RGS6: variants seen among roughly 807,000 people sequenced by gnomAD.
RGS6 encodes the protein regulator of G protein signaling 6, also known as regulator of G-protein signaling 6.
Under a neutral mutation model 78.5 loss-of-function variants are expected in RGS6, and 30 were observed. That is an observed-to-expected ratio of 0.38 (90% CI 0.29 to 0.52). The LOEUF is 0.52. RGS6 is among the 20% of genes least tolerant of loss of function. The pLI, the probability that RGS6 is intolerant of heterozygous loss-of-function variation, is 0.85. For missense variants in RGS6, 495 were observed against 609.7 expected (o/e 0.81, Z 1.98); for synonymous variants, 206 against 206.0 (o/e 1.00, Z 0.00).
chr14:72,381,432 A>AT (rs961365436), intron 3 of RGS6, among the ~76,000 whole-genome samples: 1 of 152,076 alleles, frequency 6.6e-6, no homozygotes, highest in Non-Finnish European at 1.5e-5. Flanking sequence ...TTTTACATCA[A>AT]TTTTTTAAAT....
chr14:72,544,401 T>A (rs1021338172), intron 17 of RGS6, among the ~76,000 whole-genome samples: 3 of 152,124 alleles, frequency 2.0e-5, no homozygotes, highest in African/African-American at 7.2e-5. Context: ...GTTGAAACCT[T>A]ACCTGCCCTC....
At chr14:72,577,303 C>T in the RGS6 span, among the ~76,000 whole-genome samples, 4 of 152,192 alleles carry the variant, frequency 2.6e-5, no homozygotes, top group African/African-American at 9.7e-5. Flanking sequence ...GAAATGTGAT[C>T]TGCTGAGGAT....
intron 12 of RGS6, among the ~76,000 whole-genome samples, chr14:72,479,351 G>A (rs1028822261): frequency 6.6e-6 from 1 of 152,182 alleles, no homozygotes; most frequent in African/African-American, 2.4e-5. Context: ...TTTCTCGATT[G>A]TGGCACTAGT....
chr14:72,403,332 G>C (rs1368236331), intron 3 of RGS6, among the ~76,000 whole-genome samples: 3 of 152,318 alleles, frequency 2.0e-5, no homozygotes, highest in East Asian at 3.9e-4. Flanking sequence ...ATTACGTTAA[G>C]TGAAGTAACC....
downstream of RGS6, among the ~76,000 whole-genome samples, chr14:72,571,239 T>G (rs572300742): frequency 3.9e-5 from 6 of 152,200 alleles, no homozygotes; most frequent in Non-Finnish European, 5.9e-5. Context: ...TATACAGGCT[T>G]ATGGCAGGGC....
At chr14:72,510,617 G>T (rs908196923) in intron 14 of RGS6, among the ~76,000 whole-genome samples, 2 of 152,186 alleles carry the variant, frequency 1.3e-5, no homozygotes, top group Non-Finnish European at 2.9e-5. Context: ...GAGTGGAGAG[G>T]CATCTCAGAG....
intron 2 of RGS6, among the ~76,000 whole-genome samples, chr14:72,158,913 G>T (rs954403922): frequency 6.6e-6 from 1 of 152,158 alleles, no homozygotes; most frequent in African/African-American, 2.4e-5. Flanking sequence ...TTTCTGTGTG[G>T]CATTCAGCAA....
At chr14:72,073,423 T>C (rs1379953070) in intron 2 of RGS6, among the ~76,000 whole-genome samples, 2 of 152,206 alleles carry the variant, frequency 1.3e-5, no homozygotes, top group African/African-American at 4.8e-5. Flanking sequence ...GAGAGAAATC[T>C]AGGTTATACA....
At chr14:72,226,699 T>C (rs2048199342) in intron 2 of RGS6, among the ~76,000 whole-genome samples, 1 of 152,234 alleles carries the variant, frequency 6.6e-6, no homozygotes, top group South Asian at 2.1e-4. Context: ...ATACACTTTA[T>C]TGATTGATTG....
intron 2 of RGS6, among the ~76,000 whole-genome samples, chr14:72,345,161 C>G (rs1342788455): frequency 6.6e-6 from 1 of 152,172 alleles, no homozygotes; most frequent in Non-Finnish European, 1.5e-5. Flanking sequence ...TCCCCCTCCC[C>G]CTCCTTCCCA....
chr14:72,013,039 C>A (rs187015091), intron 2 of RGS6, among the ~76,000 whole-genome samples: 3 of 151,832 alleles, frequency 2.0e-5, no homozygotes, highest in African/African-American at 7.3e-5. Context: ...GGGAGGCTGA[C>A]GTGGGCGGAT....
At chr14:71,937,444 A>G (rs576403232) in intron 1 of RGS6, among the ~76,000 whole-genome samples, 2 of 152,312 alleles carry the variant, frequency 1.3e-5, no homozygotes, top group South Asian at 2.1e-4. Context: ...AAACAGTACC[A>G]TATATTGGAT....
intron 2 of RGS6, among the ~76,000 whole-genome samples, chr14:72,182,637 T>A (rs755852875): frequency 5.3e-5 from 8 of 152,116 alleles, no homozygotes; most frequent in Non-Finnish European, 1.2e-4. Flanking sequence ...GAAAGTCAAG[T>A]GAAAACTTGG....
At chr14:72,372,933 G>T (rs1262598826) in intron 3 of RGS6, among the ~76,000 whole-genome samples, 2 of 152,182 alleles carry the variant, frequency 1.3e-5, no homozygotes. Flanking sequence ...GCATGGGGCA[G>T]CCCACACCAA....
At chr14:72,055,929 G>C (rs557652314) in intron 2 of RGS6, among the ~76,000 whole-genome samples, 7 of 152,324 alleles carry the variant, frequency 4.6e-5, no homozygotes, top group Admixed American at 2.0e-4. Context: ...ATAAAAGTTA[G>C]TATGGGCTAG....
In RGS6 at chr14:72,502,400, C is replaced by T. The variant is rs185836221; in HGVS notation, c.965+7138C>T. Among the ~76,000 whole-genome samples the T allele has an allele frequency of 3.3e-5, 5 of 152,328 alleles. No homozygotes were observed. In the East Asian group the frequency reaches 9.6e-4, roughly 29 times the overall value. ...AACCACCCAGTGGAGCCTAGTCAAC[C>T]CATAGGAGAGTGAAAGAGACTAATA... is the stretch of plus-strand genomic sequence containing the variant. On this transcript the variant is annotated intron_variant, in intron 13 of 17. Coordinates refer to ENST00000553525, the MANE Select transcript of RGS6 (RefSeq NM_001204424.2).
At chr14:72,072,852 A>G (rs1343426432) in intron 2 of RGS6, among the ~76,000 whole-genome samples, 3 of 152,322 alleles carry the variant, frequency 2.0e-5, no homozygotes, top group South Asian at 2.1e-4. Context: ...TATTAGAGCA[A>G]TAGGTATCGT....
chr14:72,327,544 A>G (rs2074077112), intron 2 of RGS6, among the ~76,000 whole-genome samples: 1 of 152,236 alleles, frequency 6.6e-6, no homozygotes. Flanking sequence ...TAATTAAGTA[A>G]AAGAGAGAGC....
chr14:72,603,977 A>G, the RGS6 span, among the ~76,000 whole-genome samples: 1 of 152,228 alleles, frequency 6.6e-6, no homozygotes, highest in Non-Finnish European at 1.5e-5. Context: ...CACTGCATAG[A>G]GGATGGGAGA....
Sources: allele counts gnomAD v4.1 joint callset (sites outside exome capture counted in the v4.1 genomes callset), GRCh38; gene constraint gnomAD v4.1.1; transcripts MANE v1.5; gene names NCBI Gene and HGNC (gene_info 2026-07-23, HGNC 2026-07-21).